The following VMP1 variants were observed in gnomAD, a reference collection of about 807,000 sequenced individuals.
The protein encoded by VMP1 is ectopic P-granules autophagy protein 3 homolog.
A neutral mutation model predicts 56.0 loss-of-function variants in VMP1; 11 were observed. The ratio of observed to expected loss-of-function variants is 0.20; its 90% CI spans 0.12 to 0.32. VMP1 has a LOEUF of 0.32. VMP1 is among the 10% of genes least tolerant of loss of function. The pLI is 1.00. For synonymous variants in VMP1, 149 were observed against 165.0 expected (o/e 0.90, Z 0.74); for missense variants, 296 against 490.3 (o/e 0.60, Z 3.74).
intron 6 of VMP1, among the ~76,000 whole-genome samples, chr17:59,768,336 C>G (rs1019572969): frequency 6.6e-6 from 1 of 152,148 alleles, no homozygotes; most frequent in African/African-American, 2.4e-5. Flanking sequence ...GGTGTAGTGG[C>G]TCACACCTGT....
rs2039104638 is a variant in VMP1 at position 59,839,867 on chromosome 17, A to G, written c.1177A>G (p.Lys393Glu). Reference sequence around the variant, plus strand: ...TAACTCCATGGCACAAAGTTATGCCAAACGAATCCAGCAGCGGTTGAACTC... The same window carrying G: ...TAACTCCATGGCACAAAGTTATGCCGAACGAATCCAGCAGCGGTTGAACTC... ...IINSMAQSYA[K>E]RIQQRLNSEE... Residue 393 changes from lysine (K) to glutamate (E), a missense_variant, in exon 12 of 12, where the codon AAA (lysine) becomes GAA (glutamate). By Grantham distance (56) the Lys-to-Glu change is moderately conservative. Coordinates refer to ENST00000262291, the MANE Select transcript of VMP1 (RefSeq NM_030938.5). 1 of 1,612,762 alleles carries G rather than the reference A, an allele frequency of 6.2e-7. No homozygotes were observed. Among genetic ancestry groups the G allele is most frequent in the African/African-American group, 1.3e-5 (1 of 74,874 alleles).
At chr17:59,821,509 C>T (rs2038448132) in intron 10 of VMP1, among the ~76,000 whole-genome samples, 1 of 150,068 alleles carries the variant, frequency 6.7e-6, no homozygotes. Context: ...TTTCCTAGCA[C>T]TGTCTACAGG....
chr17:59,738,228 AAGAC>A (rs756901423), intron 4 of VMP1, among the ~76,000 whole-genome samples: 2 of 152,224 alleles, frequency 1.3e-5, no homozygotes, highest in Non-Finnish European at 2.9e-5. Flanking sequence ...TTTGTATAAA[AAGAC>A]AGGTTCATTT....
chr17:59,817,958 A>AAG (rs1465802169), intron 10 of VMP1, among the ~76,000 whole-genome samples, 185 bp downstream of exon 10: 1 of 152,150 alleles, frequency 6.6e-6, no homozygotes, highest in Non-Finnish European at 1.5e-5. Context: ...GATAAAGCTT[A>AAG]CATTATCCCT....
chr17:59,808,744 T>A (rs1457493561), intron 7 of VMP1, 52 bp from the exon 8 acceptor site: 12 of 1,420,324 alleles, frequency 8.4e-6, no homozygotes, highest in Non-Finnish European at 1.1e-5. Context: ...AAGAACCATC[T>A]TTCCTTCTTT....
chr17:59,742,850 C>T (rs2035279399), intron 5 of VMP1, among the ~76,000 whole-genome samples: 1 of 152,282 alleles, frequency 6.6e-6, no homozygotes, highest in East Asian at 1.9e-4. Context: ...GTGAACTGCA[C>T]ATACGAGGGA....
rs1234369337 is a variant in VMP1 at position 59,829,028 on chromosome 17, A to G, written c.975-9267A>G. ...CTACTCAGGGGGTTGAGGCAGGAGA[A>G]TCGCTTGAAGCCGGGAGGTGAAGGT... On this transcript the variant is annotated intron_variant, in intron 10 of 11. Transcript: ENST00000262291. 2.6e-5 allele frequency among the ~76,000 whole-genome samples: 4 copies of G among 152,218 alleles called. No homozygotes were observed. The East Asian group carries it at 7.7e-4, about 29-fold the overall frequency.
At chr17:59,784,138 T>TGAGAGAGAGA (rs1278302063) in intron 7 of VMP1, among the ~76,000 whole-genome samples, 12 of 132,530 alleles carry the variant, frequency 9.1e-5, no homozygotes, top group African/African-American at 3.7e-4. Flanking sequence ...TGTGTGTGTG[T>TGAGAGAGAGA]GTGTGAGAGA....
chr17:59,743,195 A>G (rs759101514), intron 5 of VMP1, among the ~76,000 whole-genome samples: 57 of 152,162 alleles, frequency 3.7e-4, no homozygotes, highest in Non-Finnish European at 6.3e-4. Flanking sequence ...GTATATACCT[A>G]TAGTATCATA....
chr17:59,711,474 G>A (rs914999175), intron 1 of VMP1, among the ~76,000 whole-genome samples: 4 of 152,106 alleles, frequency 2.6e-5, no homozygotes, highest in Non-Finnish European at 4.4e-5. Flanking sequence ...TAACTTTGTC[G>A]TGGTTTTGTA....
intron 1 of VMP1, among the ~76,000 whole-genome samples, chr17:59,728,169 G>A (rs2034681636): frequency 6.6e-6 from 1 of 152,068 alleles, no homozygotes. Context: ...GCTTTCACTT[G>A]TTTTCCTTTA....
At chr17:59,709,080 T>C (rs1012248241) in intron 1 of VMP1, among the ~76,000 whole-genome samples, 4 of 152,224 alleles carry the variant, frequency 2.6e-5, no homozygotes, top group African/African-American at 4.8e-5. Context: ...AGTTTACCTA[T>C]AGCTAGTTAA....
intron 5 of VMP1, among the ~76,000 whole-genome samples, chr17:59,753,025 C>T (rs188415862): frequency 0.012 from 1,804 of 152,182 alleles, 12 homozygotes; most frequent in Non-Finnish European, 0.02. Flanking sequence ...ATTCCCAGCA[C>T]TTTGGGAGGC....
chr17:59,826,342 A>G (rs2038644990), intron 10 of VMP1, among the ~76,000 whole-genome samples: 1 of 152,242 alleles, frequency 6.6e-6, no homozygotes, highest in Non-Finnish European at 1.5e-5. Flanking sequence ...TGACCATTTA[A>G]TGGAGCATTT....
intron 2 of VMP1, among the ~76,000 whole-genome samples, chr17:59,733,946 GA>G (rs1425870354): frequency 6.6e-6 from 1 of 152,166 alleles, no homozygotes; most frequent in African/African-American, 2.4e-5. Context: ...ATAGAAGGCA[GA>G]GCCAGGATTG....
In VMP1 at chr17:59,773,791, T is replaced by G; in HGVS notation, c.620T>G (p.Phe207Cys). The change falls in exon 7 of 12, where the codon TTC becomes TGC. Residue 207 changes from phenylalanine to cysteine, a missense_variant. Phe to Cys is a radical substitution (Grantham distance 205). Transcript: ENST00000262291. Reference sequence around the variant, plus strand: ...GCAATCGGAGAGCTGCCTCCATATTTCATGGCCAGAGCAGCTCGCCTCTCA... The same window carrying G: ...GCAATCGGAGAGCTGCCTCCATATTGCATGGCCAGAGCAGCTCGCCTCTCA... ...GTAIGELPPY[F>C]MARAARLSGA... The G allele has an allele frequency of 1.2e-6, 2 of 1,610,988 alleles. No individual in the cohort carries two copies. Among genetic ancestry groups the G allele is most frequent in the Non-Finnish European group, 1.7e-6 (2 of 1,179,166 alleles).
chr17:59,809,769 G>T (rs1414946244), intron 8 of VMP1, among the ~76,000 whole-genome samples: 6 of 151,994 alleles, frequency 3.9e-5, no homozygotes, highest in African/African-American at 1.2e-4. Context: ...GCCTCCCAAA[G>T]TACTGGGATT....
intron 7 of VMP1, among the ~76,000 whole-genome samples, chr17:59,794,686 A>G (rs1598404746): frequency 6.6e-6 from 1 of 151,656 alleles, no homozygotes; most frequent in East Asian, 1.9e-4. Flanking sequence ...ACTTCTAAGA[A>G]TAATTTACTT....
intron 7 of VMP1, among the ~76,000 whole-genome samples, chr17:59,796,204 G>A (rs1242392469): frequency 6.6e-6 from 1 of 152,130 alleles, no homozygotes; most frequent in Non-Finnish European, 1.5e-5. Context: ...TAGATTGTCA[G>A]CATGACCTAC....
Sources: gnomAD v4.1 joint callset for allele counts (sites outside exome capture counted in the v4.1 genomes callset) on GRCh38, gnomAD v4.1.1 for gene constraint, MANE v1.5 for transcripts, NCBI Gene and HGNC (gene_info 2026-07-23, HGNC 2026-07-21) for gene names.